The following CPA6 variants were observed in gnomAD, a reference collection of about 807,000 sequenced individuals.
CPA6 encodes the protein carboxypeptidase A6, also known as carboxypeptidase B.
In CPA6, 58 loss-of-function variants were observed where a neutral mutation model predicts 63.3. The ratio of observed to expected loss-of-function variants is 0.92; its 90% CI spans 0.74 to 1.14. The LOEUF (loss-of-function observed/expected upper bound fraction) is 1.14, where lower values mean the gene tolerates loss of function less well. Ranked by LOEUF, CPA6 falls within the 50% of genes most tolerant of loss-of-function variation. The probability of loss-of-function intolerance (pLI) is 0.00; values close to 1 mark genes in which losing one functional copy is unlikely to be tolerated. For synonymous variants in CPA6, 185 were observed against 179.0 expected (o/e 1.03, Z -0.27); for missense variants, 565 against 526.6 (o/e 1.07, Z -0.71).
At chr8:67,694,959 T>C (rs1216508634) in intron 1 of CPA6, among the ~76,000 whole-genome samples, 2 of 151,990 alleles carry the variant, frequency 1.3e-5, no homozygotes, top group Admixed American at 6.6e-5. Context: ...GGAAGGAACA[T>C]GATTGGAAAA....
intron 1 of CPA6, among the ~76,000 whole-genome samples, chr8:67,652,459 A>G (rs1388576655): frequency 4.6e-5 from 7 of 151,770 alleles, no homozygotes; most frequent in East Asian, 1.9e-4. Context: ...ATGGTATCTC[A>G]TTGTGGTTTT....
intron 2 of CPA6, among the ~76,000 whole-genome samples, chr8:67,618,867 C>T (rs546951564): frequency 4.6e-5 from 7 of 152,186 alleles, no homozygotes; most frequent in Admixed American, 4.6e-4. Context: ...CAGACTGTTC[C>T]CATTCCATCA....
intron 6 of CPA6, among the ~76,000 whole-genome samples, chr8:67,497,319 A>G (rs1811741281): frequency 6.6e-6 from 1 of 152,156 alleles, no homozygotes. Flanking sequence ...GGATTTGCCT[A>G]TTCTCTGAAC....
chr8:67,675,926 A>T (rs1816462154), intron 1 of CPA6, among the ~76,000 whole-genome samples: 1 of 152,230 alleles, frequency 6.6e-6, no homozygotes, highest in African/African-American at 2.4e-5. Flanking sequence ...ATCATAGTGC[A>T]CTACAGCCCC....
intron 2 of CPA6, among the ~76,000 whole-genome samples, chr8:67,614,137 A>C (rs1814880240): frequency 6.6e-6 from 1 of 152,224 alleles, no homozygotes; most frequent in Admixed American, 6.5e-5. Context: ...CAGAGGGACC[A>C]TTGAGCTGCA....
intron 2 of CPA6, among the ~76,000 whole-genome samples, chr8:67,581,370 A>G (rs577972237): frequency 5.9e-5 from 9 of 152,228 alleles, no homozygotes; most frequent in African/African-American, 2.2e-4. Flanking sequence ...TACAAAGTAC[A>G]TAAAGGCACT....
chr8:67,738,294 T>C (rs548162234), intron 1 of CPA6, among the ~76,000 whole-genome samples: 2 of 152,324 alleles, frequency 1.3e-5, no homozygotes, highest in South Asian at 4.1e-4. Flanking sequence ...TTTGAACTTC[T>C]GGTCTGTGGT....
At chr8:67,571,048 T>C (rs1235766279) in intron 2 of CPA6, among the ~76,000 whole-genome samples, 1 of 152,210 alleles carries the variant, frequency 6.6e-6, no homozygotes. Flanking sequence ...GAGGTAGCGA[T>C]ACTTGCTTGT....
At chr8:67,666,449 A>G (rs1816228046) in intron 1 of CPA6, among the ~76,000 whole-genome samples, 1 of 152,086 alleles carries the variant, frequency 6.6e-6, no homozygotes, top group Non-Finnish European at 1.5e-5. Context: ...TCACCAGCGG[A>G]GGGCCCTGGT....
At chr8:67,635,106 T>G (rs1815437394) in intron 1 of CPA6, among the ~76,000 whole-genome samples, 1 of 151,506 alleles carries the variant, frequency 6.6e-6, no homozygotes, top group Non-Finnish European at 1.5e-5. Flanking sequence ...CAGGCTGTTC[T>G]CTAACTCCTG....
chr8:67,560,615 G>A (rs1813185854), intron 2 of CPA6, among the ~76,000 whole-genome samples: 1 of 152,168 alleles, frequency 6.6e-6, no homozygotes. Flanking sequence ...CCTTCTAGAA[G>A]TGGCTGGAAA....
chr8:67,473,826 C>T (rs1463003791), intron 8 of CPA6, among the ~76,000 whole-genome samples: 4 of 151,934 alleles, frequency 2.6e-5, no homozygotes, highest in Non-Finnish European at 4.4e-5. Flanking sequence ...AGGCTGGTCT[C>T]GAAATCCCGG....
In CPA6 at chr8:67,663,018, T is replaced by G. The variant is rs75968141; in HGVS notation, c.117-38767A>C. Among the ~76,000 whole-genome samples, 647 of 150,248 alleles carry G rather than the reference T, an allele frequency of 4.3e-3. 4 individuals carry two copies. Among genetic ancestry groups the G allele is most frequent in the African/African-American group, 0.014 (546 of 39,622 alleles). On this transcript the variant is annotated intron_variant, in intron 1 of 10. Transcript: ENST00000297770. ...AGGCAAGTGAGGCTGCGGGCCACTG[T>G]TGGTGACAGAGCCCATTTCCTGACA...
chr8:67,605,129 C>T (rs1049236139), intron 2 of CPA6, among the ~76,000 whole-genome samples: 3 of 150,246 alleles, frequency 2.0e-5, no homozygotes, highest in South Asian at 4.2e-4. Flanking sequence ...CCTAATAACT[C>T]TCTCTGAGCT....
chr8:67,498,307 G>T (rs978157421), intron 6 of CPA6, among the ~76,000 whole-genome samples: 3 of 151,862 alleles, frequency 2.0e-5, no homozygotes, highest in African/African-American at 7.3e-5. Context: ...AGGCTGAGGC[G>T]GGTGGATCAC....
intron 2 of CPA6, among the ~76,000 whole-genome samples, chr8:67,547,555 T>G (rs943607753): frequency 9.2e-5 from 14 of 151,402 alleles, no homozygotes; most frequent in Admixed American, 6.6e-5. Context: ...TGGAGTGCAG[T>G]GGTGCGATAA....
In CPA6 at chr8:67,547,268, G is replaced by A. The variant is rs200104574; in HGVS notation, c.193-29221C>T. Among the ~76,000 whole-genome samples, 64 of 152,154 alleles carry A rather than the reference G, an allele frequency of 4.2e-4. No homozygotes were observed. In the East Asian group the frequency reaches 0.01, roughly 24 times the overall value. ...TCACTGTGTTAGCCAGGATGGTCTC[G>A]ATCTCCTGACCTGGTGATCCGCCCG... On this transcript the variant is annotated intron_variant, in intron 2 of 10. Transcript: ENST00000297770.
At chr8:67,541,789 C>G (rs1166527770) in intron 2 of CPA6, among the ~76,000 whole-genome samples, 2 of 152,206 alleles carry the variant, frequency 1.3e-5, no homozygotes, top group Non-Finnish European at 2.9e-5. Context: ...GGTGAGGCGA[C>G]AGCCCACCCT....
At chr8:67,629,435 C>T (rs1340662144) in intron 1 of CPA6, among the ~76,000 whole-genome samples, 4 of 135,516 alleles carry the variant, frequency 3.0e-5, no homozygotes, top group Admixed American at 8.0e-5. Flanking sequence ...GAGCTATGAT[C>T]AAGGCATTTT....
Sources: allele counts gnomAD v4.1 joint callset (sites outside exome capture counted in the v4.1 genomes callset), GRCh38; gene constraint gnomAD v4.1.1; transcripts MANE v1.5; gene names NCBI Gene and HGNC (gene_info 2026-07-23, HGNC 2026-07-21).